Variants in MARCHF4 observed in about 807,000 individuals in gnomAD.
MARCHF4 encodes the protein membrane associated ring-CH-type finger 4.
In MARCHF4, 14 loss-of-function variants were observed where a neutral mutation model predicts 43.9. The observed-to-expected ratio is 0.32, with a 90% CI of 0.21 to 0.50. The LOEUF is 0.50. MARCHF4 is among the 20% of genes least tolerant of loss of function. MARCHF4 has a pLI of 0.98. For missense variants in MARCHF4, 468 were observed against 536.7 expected, an observed-to-expected ratio of 0.87 and a Z score of 1.27; for synonymous variants, 226 against 213.3, an observed-to-expected ratio of 1.06 and a Z score of -0.52.
chr2:216,258,507 G>GGT lies in MARCHF4; in HGVS notation c.*803_*804dup, dbSNP rs61382542. On this transcript the variant is annotated 3_prime_UTR_variant, in exon 4 of 4. Coordinates refer to ENST00000273067, the MANE Select transcript of MARCHF4 (RefSeq NM_020814.3). ...CTGGAAATCTGTACTTTTCTCTAGG[G>GGT]GTGTGTGTGTGTGTGTGTGTGTGTG... 28,941 of 144,992 alleles carry GGT rather than the reference G, an allele frequency of 0.2. 3,170 individuals carry two copies. The highest frequency in any genetic ancestry group is 0.26 in the Non-Finnish European group (17,363 of 66,256). 9.0% of individuals were successfully genotyped at this position (144,992 alleles called of 1,614,324 possible). A position where few individuals can be genotyped will look rare whatever the true frequency, so the allele number is the denominator to read the frequency against.
intron 3 of MARCHF4, among the ~76,000 whole-genome samples, chr2:216,263,510 AGAGAGAG>A (rs1559280528): frequency 2.3e-4 from 30 of 127,840 alleles, no homozygotes; most frequent in African/African-American, 8.9e-4. Flanking sequence ...AGAGAGAGAG[AGAGAGAG>A]AGAGAGAGAG....
At chr2:216,343,969 T>C (rs996098151) in intron 1 of MARCHF4, among the ~76,000 whole-genome samples, 2 of 152,052 alleles carry the variant, frequency 1.3e-5, no homozygotes, top group East Asian at 1.9e-4. Context: ...CTAGTGAGAA[T>C]TGATCCAGTA....
intron 2 of MARCHF4, among the ~76,000 whole-genome samples, chr2:216,280,796 T>C (rs1691114819): frequency 6.6e-6 from 1 of 152,218 alleles, no homozygotes. Context: ...TTCACTGGGT[T>C]GTTTCCAGGA....
chr2:216,259,377 G>A lies in MARCHF4; in HGVS notation c.1168C>T (p.Pro390Ser), dbSNP rs115003614. ...TILHILSHLR[P>S]HEQRSPPGSS... ...CCTGGGGGACTTCGCTGTTCATGAG[G>A]TCTCAAGTGACTCAGGATGTGCAGG... Residue 390 changes from proline (P) to serine (S), a missense_variant, in exon 4 of 4, where the codon CCT (proline) becomes TCT (serine). Around this residue, in one of 3 missense-constraint regions of MARCHF4, gnomAD observed 120 missense variants for 127.1 expected, o/e 0.94. Transcript: ENST00000273067. The A allele has an allele frequency of 1.7e-4, 266 of 1,605,638 alleles. No individual in the cohort carries two copies. In the African/African-American group the frequency reaches 3.3e-3, roughly 20 times the overall value.
chr2:216,306,978 T>TCA (rs879532267), intron 1 of MARCHF4, among the ~76,000 whole-genome samples: 1 of 151,020 alleles, frequency 6.6e-6, no homozygotes, highest in Admixed American at 6.6e-5. Context: ...TCTCTCTCTC[T>TCA]CACACACACA....
intron 1 of MARCHF4, among the ~76,000 whole-genome samples, chr2:216,363,309 A>G (rs1246672880): frequency 1.3e-5 from 2 of 152,134 alleles, no homozygotes; most frequent in Non-Finnish European, 2.9e-5. Flanking sequence ...CTCACAAACA[A>G]TTGATTAGAG....
chr2:216,279,461 A>C (rs551117615), intron 2 of MARCHF4, among the ~76,000 whole-genome samples: 6 of 152,338 alleles, frequency 3.9e-5, no homozygotes, highest in Admixed American at 1.3e-4. Flanking sequence ...ACAGGATCAA[A>C]TTTGGGAAGG....
intron 2 of MARCHF4, 29 bp from the exon 3 acceptor site, chr2:216,277,893 G>A (rs1312732846): frequency 6.3e-7 from 1 of 1,586,352 alleles, no homozygotes; most frequent in South Asian, 1.1e-5. Flanking sequence ...CCAGTTAGCA[G>A]TTGCTTGGAT....
chr2:216,365,612 A>G (rs1692654091), intron 1 of MARCHF4, among the ~76,000 whole-genome samples: 1 of 152,182 alleles, frequency 6.6e-6, no homozygotes, highest in Admixed American at 6.5e-5. Flanking sequence ...GCCTAAATCT[A>G]TTTCTTCTCA....
chr2:216,345,345 AT>A (rs58568588), intron 1 of MARCHF4, among the ~76,000 whole-genome samples: 11,482 of 143,434 alleles, frequency 0.08, 1,362 homozygotes, highest in African/African-American at 0.26. Context: ...TTATACCCTG[AT>A]TTTTTTTTTT....
intron 1 of MARCHF4, among the ~76,000 whole-genome samples, chr2:216,289,242 C>CA (rs1316928661): frequency 0.031 from 4,219 of 138,150 alleles, 90 homozygotes; most frequent in Non-Finnish European, 0.047. Context: ...CACCCGCCCC[C>CA]CACCCAAGTT....
At chr2:216,302,519 C>A (rs190087844) in intron 1 of MARCHF4, among the ~76,000 whole-genome samples, 2 of 151,838 alleles carry the variant, frequency 1.3e-5, no homozygotes. Context: ...TGAGCCACTG[C>A]GCCTGGCTAT....
intron 1 of MARCHF4, 61 bp from the exon 2 acceptor site, chr2:216,283,790 T>C (rs1306356435): frequency 8.1e-6 from 12 of 1,489,164 alleles, no homozygotes; most frequent in Admixed American, 1.9e-5. Flanking sequence ...GGGTGAGTGA[T>C]GGGCGGGAGG....
chr2:216,369,261 G>T (rs1393665919), intron 1 of MARCHF4, among the ~76,000 whole-genome samples: 1 of 152,142 alleles, frequency 6.6e-6, no homozygotes, highest in East Asian at 1.9e-4. Flanking sequence ...CAAAGTAAAA[G>T]AACAAGCTTA....
chr2:216,355,201 A>G (rs1378856314), intron 1 of MARCHF4, among the ~76,000 whole-genome samples: 1 of 152,002 alleles, frequency 6.6e-6, no homozygotes, highest in African/African-American at 2.4e-5. Context: ...TGAACTCCTG[A>G]CCTCAAGTGA....
chr2:216,282,052 G>A (rs1271892918), intron 2 of MARCHF4, among the ~76,000 whole-genome samples: 2 of 152,158 alleles, frequency 1.3e-5, no homozygotes, highest in African/African-American at 2.4e-5. Context: ...AGGAAGGGGA[G>A]GGTTAATGCA....
chr2:216,274,025 T>TG (rs1251838871), intron 3 of MARCHF4, among the ~76,000 whole-genome samples: 3 of 152,340 alleles, frequency 2.0e-5, no homozygotes, highest in African/African-American at 7.2e-5. Context: ...TCACTTGAGT[T>TG]GGGGGCAACC....
In MARCHF4 at chr2:216,329,958, C is replaced by A. The variant is rs151331892; in HGVS notation, c.516+39787G>T. Among the ~76,000 whole-genome samples, 27 of 151,960 alleles carry A rather than the reference C, an allele frequency of 1.8e-4. No homozygotes were observed. In the East Asian group the frequency reaches 4.7e-3, roughly 26 times the overall value. ...ACATTAGCTGGTGTGGTGATGCACA[C>A]CTGTCGTCCTAGCTACTTGGGAGGC... On this transcript the variant is annotated intron_variant, in intron 1 of 3. Transcript: ENST00000273067.
chr2:216,282,726 T>G (rs1022174670), intron 2 of MARCHF4, among the ~76,000 whole-genome samples: 3 of 152,192 alleles, frequency 2.0e-5, no homozygotes, highest in African/African-American at 7.2e-5. Context: ...AGGGCAGGGA[T>G]AGAGTGGTGG....
Sources: allele counts gnomAD v4.1 joint callset (sites outside exome capture counted in the v4.1 genomes callset), GRCh38; gene constraint gnomAD v4.1.1; regional missense constraint gnomAD v4.1.1; transcripts MANE v1.5; gene names NCBI Gene and HGNC (gene_info 2026-07-23, HGNC 2026-07-21).